OLFM3: variants seen among roughly 807,000 people sequenced by gnomAD.
OLFM3 encodes the protein olfactomedin 3.
In OLFM3, 20 loss-of-function variants were observed where a neutral mutation model predicts 48.6. The ratio of observed to expected loss-of-function variants is 0.41; its 90% CI spans 0.29 to 0.60. The LOEUF is 0.60. Ranked by LOEUF, OLFM3 falls within the 20% of genes least tolerant of loss-of-function variation. The probability of loss-of-function intolerance (pLI) is 0.28; values close to 1 mark genes in which losing one functional copy is unlikely to be tolerated. For synonymous variants in OLFM3, 222 were observed against 198.1 expected (o/e 1.12, Z -1.01); for missense variants, 437 against 544.3 (o/e 0.80, Z 1.96).
intron 1 of OLFM3, among the ~76,000 whole-genome samples, chr1:101,928,778 A>G (rs903312519): frequency 2.6e-5 from 4 of 152,110 alleles, no homozygotes; most frequent in Non-Finnish European, 5.9e-5. Flanking sequence ...AAAACCTTTT[A>G]AGTTAGGCAT....
At chr1:101,901,544 C>T (rs915931992) in intron 1 of OLFM3, among the ~76,000 whole-genome samples, 16 of 151,932 alleles carry the variant, frequency 1.1e-4, no homozygotes, top group Admixed American at 6.6e-4. Flanking sequence ...GGGACACTGT[C>T]AGCAAAACGT....
intron 1 of OLFM3, among the ~76,000 whole-genome samples, chr1:101,912,669 T>TA (rs1658799444): frequency 6.6e-6 from 1 of 152,212 alleles, no homozygotes; most frequent in Non-Finnish European, 1.5e-5. Flanking sequence ...GTACTTCAAA[T>TA]ACGACGTCTT....
intron 1 of OLFM3, among the ~76,000 whole-genome samples, chr1:101,980,571 A>T (rs1037966394): frequency 1.3e-5 from 2 of 152,120 alleles, no homozygotes; most frequent in African/African-American, 4.8e-5. Flanking sequence ...CATGATTGTA[A>T]GTTTTCTGAG....
chr1:101,812,182 T>G (rs1033432420), intron 4 of OLFM3, among the ~76,000 whole-genome samples: 1 of 151,326 alleles, frequency 6.6e-6, no homozygotes, highest in Non-Finnish European at 1.5e-5. Context: ...CCGGGGCCTT[T>G]CATGGGGTGG....
rs527995619 is a variant in OLFM3, at chr1:101,908,085, T to G, written c.70-71060A>C. 2.6e-5 allele frequency among the ~76,000 whole-genome samples: 4 copies of G among 152,346 alleles called. No homozygotes were observed. In the South Asian group the frequency reaches 8.3e-4, roughly 32 times the overall value. On this transcript the variant is annotated intron_variant, in intron 1 of 5. Transcript: ENST00000370103. Reference sequence around the variant, plus strand: ...TAACAAATACACTTTATTTTTACATTGTGTTTTATGTGTTACTAATGGATC... The same window carrying G: ...TAACAAATACACTTTATTTTTACATGGTGTTTTATGTGTTACTAATGGATC...
At chr1:101,924,165 C>A (rs1221041929) in intron 1 of OLFM3, among the ~76,000 whole-genome samples, 1 of 152,124 alleles carries the variant, frequency 6.6e-6, no homozygotes, top group Non-Finnish European at 1.5e-5. Flanking sequence ...TAAATTTAAA[C>A]ATCAATTGAC....
At chr1:101,957,810 C>A in intron 1 of OLFM3, among the ~76,000 whole-genome samples, 1 of 151,888 alleles carries the variant, frequency 6.6e-6, no homozygotes, top group East Asian at 1.9e-4. Context: ...AGATATCTAG[C>A]AATAATAAGG....
At chr1:101,856,767 T>C (rs566580180) in intron 1 of OLFM3, among the ~76,000 whole-genome samples, 1 of 152,094 alleles carries the variant, frequency 6.6e-6, no homozygotes, top group South Asian at 2.1e-4. Context: ...TGTACTATTC[T>C]GAAAATTTAA....
intron 1 of OLFM3, among the ~76,000 whole-genome samples, chr1:101,912,113 G>A (rs1006818700): frequency 1.3e-5 from 2 of 152,058 alleles, no homozygotes; most frequent in Admixed American, 6.5e-5. Flanking sequence ...GCTTATTCTC[G>A]GCAATGAGCT....
intron 4 of OLFM3, chr1:101,812,584 T>C: frequency 1.0e-6 from 1 of 985,534 alleles, no homozygotes; most frequent in Non-Finnish European, 1.2e-6. Context: ...CCTTATCTAA[T>C]CGACATTTCC....
At chr1:101,927,797 A>G (rs972239865) in intron 1 of OLFM3, among the ~76,000 whole-genome samples, 4 of 149,740 alleles carry the variant, frequency 2.7e-5, no homozygotes, top group African/African-American at 7.3e-5. Context: ...TTTTTTCTAT[A>G]TATAAGAAAA....
chr1:101,856,814 A>G (rs1287056842), intron 1 of OLFM3, among the ~76,000 whole-genome samples: 1 of 151,998 alleles, frequency 6.6e-6, no homozygotes, highest in African/African-American at 2.4e-5. Context: ...ATTTCATCAA[A>G]CTGGGATTGT....
At chr1:101,945,806 A>T (rs61803497) in intron 1 of OLFM3, among the ~76,000 whole-genome samples, 1 of 152,122 alleles carries the variant, frequency 6.6e-6, no homozygotes. Context: ...TGTTATCCCA[A>T]TAAAGTTATT....
intron 1 of OLFM3, among the ~76,000 whole-genome samples, chr1:101,875,973 G>A (rs1038006650): frequency 6.6e-6 from 1 of 152,008 alleles, no homozygotes; most frequent in Non-Finnish European, 1.5e-5. Flanking sequence ...TGACTGGCTT[G>A]CTCATGCTAA....
chr1:101,974,689 A>G (rs1274259076), intron 1 of OLFM3, among the ~76,000 whole-genome samples: 1 of 152,126 alleles, frequency 6.6e-6, no homozygotes, highest in Non-Finnish European at 1.5e-5. Context: ...ATAACCCTAC[A>G]ACCAACTGAT....
chr1:101,964,609 GAA>G (rs534490667), intron 1 of OLFM3, among the ~76,000 whole-genome samples: 1 of 151,482 alleles, frequency 6.6e-6, no homozygotes, highest in Admixed American at 6.6e-5. Context: ...TATTTTTAGG[GAA>G]AAAAAAGAAA....
intron 1 of OLFM3, among the ~76,000 whole-genome samples, chr1:101,925,212 T>G (rs1002189305): frequency 5.3e-5 from 8 of 151,690 alleles, no homozygotes; most frequent in African/African-American, 1.9e-4. Context: ...TAATGTTAGA[T>G]AGATGGAAGG....
At chr1:101,945,016 C>T (rs1042537525) in intron 1 of OLFM3, among the ~76,000 whole-genome samples, 3 of 152,076 alleles carry the variant, frequency 2.0e-5, no homozygotes, top group Non-Finnish European at 2.9e-5. Context: ...ATTTAGAATA[C>T]ATAAAATTAT....
intron 1 of OLFM3, among the ~76,000 whole-genome samples, chr1:101,937,227 C>G (rs1478867460): frequency 6.6e-6 from 1 of 152,168 alleles, no homozygotes; most frequent in Non-Finnish European, 1.5e-5. Context: ...TTTTACCCCA[C>G]CCACTCATAC....
Sources: allele counts gnomAD v4.1 joint callset (sites outside exome capture counted in the v4.1 genomes callset), GRCh38; gene constraint gnomAD v4.1.1; transcripts MANE v1.5; gene names NCBI Gene and HGNC (gene_info 2026-07-23, HGNC 2026-07-21).